INPP4B: variants seen among roughly 807,000 people sequenced by gnomAD.
The protein encoded by INPP4B is inositol polyphosphate 4-phosphatase type II.
In INPP4B, 55 loss-of-function variants were observed where a neutral mutation model predicts 122.5. That is an observed-to-expected ratio of 0.45 (90% CI 0.36 to 0.56). The LOEUF (loss-of-function observed/expected upper bound fraction) is 0.56. INPP4B is among the 20% of genes least tolerant of loss of function. The pLI is 0.00. For synonymous variants in INPP4B, 403 were observed against 388.7 expected, an observed-to-expected ratio of 1.04 and a Z score of -0.43; for missense variants, 1,000 against 1,097.7, an observed-to-expected ratio of 0.91 and a Z score of 1.26.
rs527620562 is a variant in INPP4B, at chr4:142,718,168, G to C, written c.-191+7671C>G. On this transcript the variant is annotated intron_variant, in intron 2 of 25. Transcript: ENST00000262992. ...ATGCAGCAGCAGAAAAGCAGTCTTT[G>C]AATGTCAGATTGAGGTGTTTGAATT... Among the ~76,000 whole-genome samples, 86 of 152,266 alleles carry C rather than the reference G, an allele frequency of 5.6e-4. 3 individuals carry two copies. The South Asian group carries it at 0.017, about 31-fold the overall frequency.
At chr4:142,803,617 T>C (rs2151096672) in intron 1 of INPP4B, among the ~76,000 whole-genome samples, 1 of 150,276 alleles carries the variant, frequency 6.7e-6, no homozygotes, top group Middle Eastern at 3.4e-3. Flanking sequence ...AAGAAATATG[T>C]CTCTGGCTTC....
At chr4:142,031,383 T>C (rs1305152578) in intron 25 of INPP4B, among the ~76,000 whole-genome samples, 1 of 152,156 alleles carries the variant, frequency 6.6e-6, no homozygotes, top group East Asian at 1.9e-4. Context: ...AAACAAGTCC[T>C]ATACAGAAAT....
chr4:142,237,756 T>C, intron 12 of INPP4B, 108 bp downstream of exon 12: 2 of 578,100 alleles, frequency 3.5e-6, no homozygotes, highest in Non-Finnish European at 2.9e-6. Context: ...TATTTCACAA[T>C]GCATACATAT....
chr4:142,138,296 A>G (rs1411799294), intron 18 of INPP4B, among the ~76,000 whole-genome samples: 2 of 149,900 alleles, frequency 1.3e-5, no homozygotes, highest in African/African-American at 2.5e-5. Flanking sequence ...ACAAAAAACC[A>G]AACACCGCAT....
At chr4:142,829,866 G>A (rs1312943295) in intron 1 of INPP4B, among the ~76,000 whole-genome samples, 1 of 152,022 alleles carries the variant, frequency 6.6e-6, no homozygotes, top group African/African-American at 2.4e-5. Flanking sequence ...ATTTAGTAAC[G>A]GGACTGATAA....
At chr4:142,087,259 C>G (rs142483616) in intron 23 of INPP4B, among the ~76,000 whole-genome samples, 2 of 151,914 alleles carry the variant, frequency 1.3e-5, no homozygotes, top group African/African-American at 4.8e-5. Context: ...AGATATGACA[C>G]GGAAAGAGGA....
intron 2 of INPP4B, among the ~76,000 whole-genome samples, chr4:142,682,653 G>A (rs1033390583): frequency 6.6e-6 from 1 of 151,880 alleles, no homozygotes; most frequent in African/African-American, 2.4e-5. Flanking sequence ...TTGCATGAGA[G>A]CAGAAAATAT....
chr4:142,099,601 C>T (rs1174620868), intron 23 of INPP4B, among the ~76,000 whole-genome samples: 1 of 151,970 alleles, frequency 6.6e-6, no homozygotes, highest in Non-Finnish European at 1.5e-5. Flanking sequence ...TATCTTTAAA[C>T]CCTTATGTCT....
At chr4:142,528,592 T>C (rs1043446959) in intron 2 of INPP4B, among the ~76,000 whole-genome samples, 11 of 152,052 alleles carry the variant, frequency 7.2e-5, no homozygotes, top group Non-Finnish European at 1.2e-4. Flanking sequence ...ACTTTTGTCA[T>C]ATTCTATTTG....
At chr4:142,053,519 A>T (rs1755787877) in intron 25 of INPP4B, among the ~76,000 whole-genome samples, 1 of 152,106 alleles carries the variant, frequency 6.6e-6, no homozygotes. Context: ...TGTCATCCTG[A>T]CTTAGTCCTA....
chr4:142,842,660 T>C (rs1783652465), intron 1 of INPP4B, among the ~76,000 whole-genome samples: 1 of 132,744 alleles, frequency 7.5e-6, no homozygotes, highest in Non-Finnish European at 1.6e-5. Flanking sequence ...TATGTTAATA[T>C]ATAACATAAT....
Position 142,471,872 on chromosome 4 carries a change from C to T in INPP4B, c.-190-9146G>A, listed in dbSNP as rs1005819904. 8.6e-5 allele frequency among the ~76,000 whole-genome samples: 13 copies of T among 150,440 alleles called. No individual in the cohort carries two copies. In the East Asian group the frequency reaches 1.4e-3, roughly 16 times the overall value. On this transcript the variant is annotated intron_variant, in intron 2 of 25. Transcript: ENST00000262992. ...CACCAGCCCCTTCCTCCATAGTATA[C>T]ACACACACACACACACGTATATGTT...
At chr4:142,429,254 A>T in intron 4 of INPP4B, 37 bp from the exon 5 acceptor site, 5 of 1,158,500 alleles carry the variant, frequency 4.3e-6, no homozygotes, top group Non-Finnish European at 6.4e-6. Context: ...TTTTTAAAAA[A>T]TTGAATTATC....
At chr4:142,335,277 A>C (rs924533504) in intron 7 of INPP4B, among the ~76,000 whole-genome samples, 2 of 152,108 alleles carry the variant, frequency 1.3e-5, no homozygotes, top group African/African-American at 2.4e-5. Context: ...AACAACAACA[A>C]CAAAAATCTA....
intron 11 of INPP4B, among the ~76,000 whole-genome samples, chr4:142,254,815 C>A (rs1734764266): frequency 6.6e-6 from 1 of 152,066 alleles, no homozygotes; most frequent in East Asian, 1.9e-4. Context: ...CCCAATCTAG[C>A]AAGGCAGGCC....
intron 2 of INPP4B, among the ~76,000 whole-genome samples, chr4:142,633,267 A>G (rs1043372485): frequency 2.0e-5 from 3 of 152,146 alleles, no homozygotes; most frequent in South Asian, 2.1e-4. Context: ...ATTTAGAAAA[A>G]TAAAGGAAAA....
At chr4:142,623,216 T>C (rs987712990) in intron 2 of INPP4B, among the ~76,000 whole-genome samples, 2 of 151,986 alleles carry the variant, frequency 1.3e-5, no homozygotes, top group African/African-American at 2.4e-5. Flanking sequence ...CTATTGTACC[T>C]GCTTCAATTC....
intron 2 of INPP4B, among the ~76,000 whole-genome samples, chr4:142,579,028 C>A (rs1734443420): frequency 6.6e-6 from 1 of 151,938 alleles, no homozygotes; most frequent in African/African-American, 2.4e-5. Context: ...AAACCATAAC[C>A]ACAATTTTGC....
intron 23 of INPP4B, among the ~76,000 whole-genome samples, chr4:142,105,332 CT>C (rs1786477237): frequency 6.6e-6 from 1 of 152,168 alleles, no homozygotes; most frequent in South Asian, 2.1e-4. Flanking sequence ...ATCCATTCCC[CT>C]ATCCGCAATT....
Sources: gnomAD v4.1 joint callset for allele counts (sites outside exome capture counted in the v4.1 genomes callset) on GRCh38, gnomAD v4.1.1 for gene constraint, MANE v1.5 for transcripts, NCBI Gene and HGNC (gene_info 2026-07-23, HGNC 2026-07-21) for gene names.